HS2ST1: variants seen among roughly 807,000 people sequenced by gnomAD.
HS2ST1 encodes the protein 2-O-sulfotransferase.
A neutral mutation model predicts 42.9 loss-of-function variants in HS2ST1; 18 were observed. The ratio of observed to expected loss-of-function variants is 0.42; its 90% confidence interval spans 0.29 to 0.62. HS2ST1 has a LOEUF of 0.62. Among genes scored for constraint, HS2ST1 ranks in the 20% least tolerant of loss-of-function variants. The probability of loss-of-function intolerance (pLI) is 0.21; values close to 1 mark genes in which losing one functional copy is unlikely to be tolerated. For missense variants in HS2ST1, 334 were observed against 433.8 expected (o/e 0.77, Z 2.04); for synonymous variants, 146 against 152.9 (o/e 0.95, Z 0.33).
intron 1 of HS2ST1, among the ~76,000 whole-genome samples, chr1:87,066,246 A>G (rs1316411426): frequency 6.6e-6 from 1 of 152,268 alleles, no homozygotes; most frequent in Non-Finnish European, 1.5e-5. Flanking sequence ...CACGTGGAAA[A>G]GCATCAAGCT....
intron 1 of HS2ST1, among the ~76,000 whole-genome samples, chr1:87,033,273 A>C (rs1313468024): frequency 6.6e-6 from 1 of 152,202 alleles, no homozygotes; most frequent in African/African-American, 2.4e-5. Flanking sequence ...TTAATTCATA[A>C]ATATTCCTCA....
intron 2 of HS2ST1, among the ~76,000 whole-genome samples, chr1:87,077,861 G>A (rs1417141009): frequency 6.6e-6 from 1 of 152,052 alleles, no homozygotes; most frequent in Non-Finnish European, 1.5e-5. Flanking sequence ...TTATCTCTCA[G>A]GTGGATTGGG....
chr1:86,914,752 G>A lies in HS2ST1; in HGVS notation c.-285G>A. The A allele has an allele frequency of 2.2e-6, 1 of 464,532 alleles. No individual in the cohort carries two copies. Among genetic ancestry groups the A allele is most frequent in the South Asian group, 2.3e-5 (1 of 44,282 alleles). The allele number at this position is 464,532 out of a possible 1,614,324, so 28.8% of individuals were successfully genotyped here. A position where few individuals can be genotyped will look rare whatever the true frequency, so the allele number is the denominator to read the frequency against. ...GGGGTCGGGGACTGAGGCAGTAGAG[G>A]GAGGCGAGAGCCCGGCAGCCGCTTC... On this transcript the variant is annotated 5_prime_UTR_variant, in exon 1 of 7. Coordinates refer to ENST00000370550, the MANE Select transcript of HS2ST1 (RefSeq NM_012262.4).
chr1:86,984,224 G>T (rs1414231007), intron 1 of HS2ST1, among the ~76,000 whole-genome samples: 1 of 152,084 alleles, frequency 6.6e-6, no homozygotes, highest in Non-Finnish European at 1.5e-5. Flanking sequence ...ATGTATATTT[G>T]GAGTGAAAAA....
At chr1:87,009,798 G>A (rs1478747297) in intron 1 of HS2ST1, among the ~76,000 whole-genome samples, 1 of 152,036 alleles carries the variant, frequency 6.6e-6, no homozygotes, top group South Asian at 2.1e-4. Flanking sequence ...ACTTTGGGAG[G>A]CCGAGGCGGG....
chr1:87,046,126 A>C (rs1458779353), intron 1 of HS2ST1: 2 of 694,172 alleles, frequency 2.9e-6, no homozygotes, highest in Non-Finnish European at 5.4e-6. Context: ...TTGGTTATGA[A>C]TGCTTTAGAT....
At chr1:86,939,590 A>C (rs80071831) in intron 1 of HS2ST1, among the ~76,000 whole-genome samples, 17,403 of 152,230 alleles carry the variant, frequency 0.11, 1,048 homozygotes, top group Non-Finnish European at 0.13. Flanking sequence ...TGGAAGATTT[A>C]AAAAATGCTG....
chr1:87,057,237 G>A (rs1182917867), intron 1 of HS2ST1, among the ~76,000 whole-genome samples: 3 of 152,092 alleles, frequency 2.0e-5, no homozygotes, highest in Non-Finnish European at 4.4e-5. Flanking sequence ...CTAATGTGCT[G>A]TTGCTAGATG....
At chr1:86,976,380 G>A (rs1276944232) in intron 1 of HS2ST1, among the ~76,000 whole-genome samples, 2 of 152,096 alleles carry the variant, frequency 1.3e-5, no homozygotes, top group Admixed American at 1.3e-4. Flanking sequence ...GAGTAGGGGG[G>A]ATGAACTGTT....
Position 87,080,696 on chromosome 1 carries a change from C to T in HS2ST1, c.364-3498C>T, listed in dbSNP as rs568047612. Among the ~76,000 whole-genome samples the T allele has an allele frequency of 3.9e-5, 6 of 152,280 alleles. No homozygotes were observed. The South Asian group carries it at 1.2e-3, about 32-fold the overall frequency. On this transcript the variant is annotated intron_variant, in intron 2 of 6. Transcript: ENST00000370550. ...GATAGGAAACACAGTCTTATATCTC[C>T]TATACCACCCCTCCTCCATTCCCCC...
intron 1 of HS2ST1, among the ~76,000 whole-genome samples, chr1:86,975,632 A>G (rs907181226): frequency 6.6e-6 from 1 of 152,170 alleles, no homozygotes; most frequent in Non-Finnish European, 1.5e-5. Flanking sequence ...AAACTGTTGG[A>G]TAAATTCTAA....
In HS2ST1 at chr1:86,959,097, A is replaced by G. The variant is rs566430133; in HGVS notation, c.124+43937A>G. 1.1e-4 allele frequency among the ~76,000 whole-genome samples: 17 copies of G among 152,324 alleles called. No homozygotes were observed. The South Asian group carries it at 3.3e-3, about 30-fold the overall frequency. ...ATGGGGGAAAATTCCTCAACTTGAT[A>G]AAGAAAATCTACAAAAAACTTACAG... On this transcript the variant is annotated intron_variant, in intron 1 of 6. Coordinates refer to ENST00000370550, the MANE Select transcript of HS2ST1 (RefSeq NM_012262.4).
intron 1 of HS2ST1, among the ~76,000 whole-genome samples, chr1:86,980,747 T>A (rs1200494781): frequency 6.6e-6 from 1 of 152,206 alleles, no homozygotes; most frequent in East Asian, 1.9e-4. Flanking sequence ...GTAGTTCTTA[T>A]TTTTGGTCAG....
chr1:87,097,738 A>G, intron 4 of HS2ST1, 100 bp from the exon 5 acceptor site: 6 of 1,373,858 alleles, frequency 4.4e-6, no homozygotes, highest in Non-Finnish European at 6.1e-6. Flanking sequence ...GTCTCATCCC[A>G]CCTACTCTGG....
At chr1:86,963,750 C>CCG (rs1222975638) in intron 1 of HS2ST1, among the ~76,000 whole-genome samples, 5 of 149,488 alleles carry the variant, frequency 3.3e-5, no homozygotes, top group Admixed American at 3.3e-4. Context: ...AGGCGCCCCC[C>CCG]CCCCCACCTC....
intron 1 of HS2ST1, among the ~76,000 whole-genome samples, chr1:86,988,467 G>C (rs1415091715): frequency 2.0e-5 from 3 of 152,162 alleles, no homozygotes; most frequent in Non-Finnish European, 4.4e-5. Context: ...CCAAAATTTT[G>C]ACAAACTGTC....
At position 87,107,584 on chromosome 1, in the gene HS2ST1, A is replaced by G. The variant is rs1469432404; in HGVS notation, c.*2888A>G. ...TAGGGAGATAATTTTTTTATAATAC[A>G]AAAGTAACCACTTGGAATTTTAAAG... On this transcript the variant is annotated 3_prime_UTR_variant, in exon 7 of 7. Coordinates refer to ENST00000370550, the MANE Select transcript of HS2ST1 (RefSeq NM_012262.4). 2 of 151,784 alleles carry G rather than the reference A, an allele frequency of 1.3e-5. No individual in the cohort carries two copies. The highest frequency in any genetic ancestry group is 2.9e-5 in the Non-Finnish European group (2 of 67,846). 9.4% of individuals were successfully genotyped at this position (151,784 alleles called of 1,614,324 possible). A position where few individuals can be genotyped will look rare whatever the true frequency, so the allele number is the denominator to read the frequency against.
intron 1 of HS2ST1, among the ~76,000 whole-genome samples, chr1:86,958,868 G>A (rs1647746400): frequency 6.6e-6 from 1 of 152,138 alleles, no homozygotes; most frequent in African/African-American, 2.4e-5. Context: ...ATCCAAAAAT[G>A]TATAAAAAGA....
At chr1:87,037,353 A>C (rs1452506167) in intron 1 of HS2ST1, among the ~76,000 whole-genome samples, 1 of 47,304 alleles carries the variant, frequency 2.1e-5, no homozygotes, top group African/African-American at 4.8e-5. Context: ...GTTGAAAAGC[A>C]TAAGTTAAAA....
Sources: allele counts gnomAD v4.1 joint callset (sites outside exome capture counted in the v4.1 genomes callset), GRCh38; gene constraint gnomAD v4.1.1; transcripts MANE v1.5; gene names NCBI Gene and HGNC (gene_info 2026-07-23, HGNC 2026-07-21).